DPY19L3: variants seen among roughly 807,000 people sequenced by gnomAD.
The protein encoded by DPY19L3 is protein C-mannosyl-transferase DPY19L3.
DPY19L3 carries 51 observed loss-of-function variants against 92.3 expected under a neutral mutation model. The ratio of observed to expected loss-of-function variants is 0.55; its 90% confidence interval spans 0.44 to 0.70. The LOEUF (loss-of-function observed/expected upper bound fraction) is 0.70. Ranked by LOEUF, DPY19L3 falls within the 30% of genes least tolerant of loss-of-function variation. The pLI is 0.00. For missense variants in DPY19L3, 706 were observed against 855.9 expected, an observed-to-expected ratio of 0.82 and a Z score of 2.18; for synonymous variants, 309 against 315.2, an observed-to-expected ratio of 0.98 and a Z score of 0.21.
intron 2 of DPY19L3, among the ~76,000 whole-genome samples, chr19:32,409,200 C>T (rs1050863990): frequency 1.3e-5 from 2 of 152,186 alleles, no homozygotes; most frequent in African/African-American, 4.8e-5. Flanking sequence ...GAAATATACT[C>T]CCATCCTGAA....
chr19:32,461,537 T>C (rs955879009), intron 12 of DPY19L3, among the ~76,000 whole-genome samples: 37 of 152,242 alleles, frequency 2.4e-4, no homozygotes, highest in Admixed American at 1.9e-3. Context: ...GTATCCTTTT[T>C]GTACCAATAT....
intron 15 of DPY19L3, among the ~76,000 whole-genome samples, chr19:32,465,285 C>T (rs1448362000): frequency 6.6e-6 from 1 of 152,184 alleles, no homozygotes; most frequent in Non-Finnish European, 1.5e-5. Context: ...CTGGATTTTT[C>T]ATATTCTCAT....
At chr19:32,421,243 G>A (rs1568327501) in intron 3 of DPY19L3, among the ~76,000 whole-genome samples, 2 of 152,076 alleles carry the variant, frequency 1.3e-5, no homozygotes, top group Non-Finnish European at 2.9e-5. Context: ...CTTCTTTCTT[G>A]GAATTCCCTC....
chr19:32,446,027 T>C (rs1385952661), intron 8 of DPY19L3, among the ~76,000 whole-genome samples: 1 of 152,072 alleles, frequency 6.6e-6, no homozygotes, highest in Non-Finnish European at 1.5e-5. Flanking sequence ...ATTTGATAGC[T>C]GAAGCAAAAA....
At chr19:32,444,021 C>T (rs1367281115) in intron 8 of DPY19L3, among the ~76,000 whole-genome samples, 4 of 135,602 alleles carry the variant, frequency 2.9e-5, no homozygotes, top group East Asian at 2.1e-4. Context: ...GGCAACGGAG[C>T]AAGACTCTGT....
At chr19:32,468,179 C>G in intron 15 of DPY19L3, 2 of 920,340 alleles carry the variant, frequency 2.2e-6, no homozygotes, top group Non-Finnish European at 2.6e-6. Context: ...TCAGTTTCCA[C>G]ACTTCTAAAT....
At chr19:32,407,940 T>A (rs1331403731) in intron 1 of DPY19L3, among the ~76,000 whole-genome samples, 1 of 151,930 alleles carries the variant, frequency 6.6e-6, no homozygotes, top group African/African-American at 2.4e-5. Context: ...CAAAAAATAA[T>A]TAGCCAGGTG....
At chr19:32,461,211 A>G (rs1209809549) in intron 12 of DPY19L3, among the ~76,000 whole-genome samples, 1 of 151,994 alleles carries the variant, frequency 6.6e-6, no homozygotes, top group Admixed American at 6.5e-5. Flanking sequence ...TGTGAGGGGT[A>G]CATCTGAAAG....
At chr19:32,476,235 A>G (rs1970504018) in intron 16 of DPY19L3, among the ~76,000 whole-genome samples, 2 of 152,108 alleles carry the variant, frequency 1.3e-5, no homozygotes, top group Admixed American at 1.3e-4. Context: ...GCAGCACCAG[A>G]GCTAGTTGCG....
At chr19:32,462,937 G>A (rs1399140376) in intron 12 of DPY19L3, among the ~76,000 whole-genome samples, 5 of 152,150 alleles carry the variant, frequency 3.3e-5, no homozygotes, top group Admixed American at 1.3e-4. Flanking sequence ...TGTGATTTTT[G>A]AGGGGTCATA....
intron 15 of DPY19L3, among the ~76,000 whole-genome samples, chr19:32,467,304 T>C (rs892866119): frequency 6.6e-6 from 1 of 152,214 alleles, no homozygotes; most frequent in Non-Finnish European, 1.5e-5. Flanking sequence ...ATATCTAATA[T>C]TCATTGAGTT....
intron 10 of DPY19L3, among the ~76,000 whole-genome samples, chr19:32,456,100 T>G (rs1390547412): frequency 1.2e-4 from 11 of 90,656 alleles, no homozygotes; most frequent in Non-Finnish European, 2.6e-4. Flanking sequence ...TTTTTTTTTT[T>G]GGACAGGGTC....
intron 8 of DPY19L3, among the ~76,000 whole-genome samples, chr19:32,452,690 C>T (rs1445922263): frequency 6.6e-6 from 1 of 151,916 alleles, no homozygotes; most frequent in Non-Finnish European, 1.5e-5. Context: ...GATTTAGTTT[C>T]CTTTTTTAGA....
intron 4 of DPY19L3, 63 bp downstream of exon 4, chr19:32,432,869 G>A: frequency 6.9e-7 from 1 of 1,447,478 alleles, no homozygotes; most frequent in African/African-American, 1.4e-5. Flanking sequence ...TTAGTGAGAA[G>A]TACTGTGCAC....
intron 6 of DPY19L3, 136 bp from the exon 7 acceptor site, chr19:32,438,976 G>A (rs1332812293): frequency 1.2e-6 from 1 of 863,644 alleles, no homozygotes; most frequent in Admixed American, 2.5e-5. Flanking sequence ...ATGATGATAA[G>A]GACAATTATT....
intron 8 of DPY19L3, among the ~76,000 whole-genome samples, chr19:32,443,133 C>T (rs796732415): frequency 7.2e-5 from 11 of 152,216 alleles, no homozygotes; most frequent in African/African-American, 2.4e-4. Context: ...ATGTAGGGAG[C>T]AGTGGTGACG....
chr19:32,448,303 TGAG>T (rs1969584166), intron 8 of DPY19L3, among the ~76,000 whole-genome samples: 3 of 152,174 alleles, frequency 2.0e-5, no homozygotes, highest in Admixed American at 1.3e-4. Flanking sequence ...TGAATGGTGA[TGAG>T]GAGCATGGAC....
At chr19:32,466,314 C>T (rs1970198482) in intron 15 of DPY19L3, among the ~76,000 whole-genome samples, 1 of 152,216 alleles carries the variant, frequency 6.6e-6, no homozygotes, top group Admixed American at 6.5e-5. Context: ...CCACTCCAGA[C>T]CTACCGAATC....
At chr19:32,438,998 G>T in intron 6 of DPY19L3, 114 bp from the exon 7 acceptor site, 1 of 1,106,896 alleles carries the variant, frequency 9.0e-7, no homozygotes, top group East Asian at 2.4e-5. Context: ...AGAACCAGTG[G>T]CCAGAATCTT....
Sources: gnomAD v4.1 joint callset for allele counts (sites outside exome capture counted in the v4.1 genomes callset) on GRCh38, gnomAD v4.1.1 for gene constraint, MANE v1.5 for transcripts, NCBI Gene and HGNC (gene_info 2026-07-23, HGNC 2026-07-21) for gene names.